Variants in SNX9 observed in about 807,000 individuals in gnomAD.
The protein encoded by SNX9 is sorting nexin 9, also known as sorting nexin-9.
Under a neutral mutation model 89.4 loss-of-function variants are expected in SNX9, and 44 were observed. That is an observed-to-expected ratio of 0.49 (90% CI 0.39 to 0.63). The LOEUF is 0.63. Ranked by LOEUF, SNX9 falls within the 30% of genes least tolerant of loss-of-function variation. The probability of loss-of-function intolerance (pLI) is 0.00; values close to 1 mark genes in which losing one functional copy is unlikely to be tolerated. For missense variants in SNX9, 578 were observed against 736.1 expected (o/e 0.79, Z 2.49); for synonymous variants, 236 against 247.8 (o/e 0.95, Z 0.45).
chr6:157,849,464 C>T (rs899316164), intron 1 of SNX9, among the ~76,000 whole-genome samples: 1 of 152,152 alleles, frequency 6.6e-6, no homozygotes, highest in African/African-American at 2.4e-5. Flanking sequence ...GAGTCAAGAG[C>T]GGCAATGCTT....
chr6:157,913,802 A>G (rs1055340183), intron 9 of SNX9, among the ~76,000 whole-genome samples: 1 of 152,220 alleles, frequency 6.6e-6, no homozygotes, highest in Non-Finnish European at 1.5e-5. Flanking sequence ...CACATTTGCA[A>G]TTCAATCATT....
intron 12 of SNX9, among the ~76,000 whole-genome samples, chr6:157,931,236 C>T (rs1056963474): frequency 6.6e-6 from 1 of 152,224 alleles, no homozygotes; most frequent in Non-Finnish European, 1.5e-5. Context: ...AGAGGCAAAA[C>T]TGAGGTACCA....
intron 1 of SNX9, among the ~76,000 whole-genome samples, chr6:157,838,268 C>T (rs1756937724): frequency 6.6e-6 from 1 of 152,034 alleles, no homozygotes; most frequent in South Asian, 2.1e-4. Context: ...CCACCTCAGC[C>T]TCCCAAAGTG....
intron 2 of SNX9, among the ~76,000 whole-genome samples, chr6:157,869,543 GT>G (rs1782345816): frequency 6.6e-6 from 1 of 152,122 alleles, no homozygotes; most frequent in Non-Finnish European, 1.5e-5. Context: ...TCTCCCTAGA[GT>G]TTTACTCTGT....
At chr6:157,927,343 G>A in intron 11 of SNX9, 129 bp downstream of exon 11, 1 of 628,374 alleles carries the variant, frequency 1.6e-6, no homozygotes, top group Admixed American at 2.8e-5. Flanking sequence ...AGTGGGATTT[G>A]TAGTCCAATG....
chr6:157,915,226 C>T (rs184407337), intron 9 of SNX9, among the ~76,000 whole-genome samples: 5 of 152,196 alleles, frequency 3.3e-5, no homozygotes, highest in East Asian at 1.9e-4. Flanking sequence ...AATCAAGTAG[C>T]GTGAATCCTC....
chr6:157,829,038 A>G (rs929882577), intron 1 of SNX9: 16 of 152,248 alleles, frequency 1.1e-4, no homozygotes, highest in African/African-American at 3.4e-4. Context: ...GTAGAAAACT[A>G]TTAATCCCCA....
intron 4 of SNX9, 24 bp downstream of exon 4, chr6:157,875,200 G>T: frequency 1.9e-6 from 3 of 1,594,148 alleles, no homozygotes; most frequent in Non-Finnish European, 2.6e-6. Flanking sequence ...CCTCCTTCTG[G>T]ATGTGGCTGG....
chr6:157,842,193 A>G (rs1438617456), intron 1 of SNX9, among the ~76,000 whole-genome samples: 1 of 152,224 alleles, frequency 6.6e-6, no homozygotes, highest in Non-Finnish European at 1.5e-5. Flanking sequence ...AGTTTGCTGT[A>G]TCTATTAAGT....
At chr6:157,927,246 C>A (rs1783713210) in intron 11 of SNX9, 32 bp downstream of exon 11, 1 of 1,462,884 alleles carries the variant, frequency 6.8e-7, no homozygotes, top group Non-Finnish European at 9.6e-7. Flanking sequence ...TCTTTCTTCT[C>A]AATCCGCACC....
rs974605500 is a variant in SNX9, at chr6:157,943,129, A to G, written c.*291A>G. On this transcript the variant is annotated 3_prime_UTR_variant, in exon 18 of 18. Coordinates refer to ENST00000392185, the MANE Select transcript of SNX9 (RefSeq NM_016224.5). ...AATGGAAAATGAGGGGTTTCTCCCC[A>G]CTGATATTTTACATAGAGTCATAAT... is the stretch of plus-strand genomic sequence containing the variant. 3.9e-5 allele frequency: 11 copies of G among 283,820 alleles called. No individual in the cohort carries two copies. Among genetic ancestry groups the G allele is most frequent in the Admixed American group, 3.1e-4 (6 of 19,338 alleles). 17.6% of individuals were successfully genotyped at this position (283,820 alleles called of 1,614,324 possible). A position where few individuals can be genotyped will look rare whatever the true frequency, so the allele number is the denominator to read the frequency against.
At chr6:157,856,220 G>GT (rs1782008737) in intron 1 of SNX9, among the ~76,000 whole-genome samples, 3 of 152,302 alleles carry the variant, frequency 2.0e-5, no homozygotes, top group Admixed American at 1.3e-4. Context: ...TTTCTTTGGT[G>GT]TTTTTTATGG....
chr6:157,847,955 T>C (rs1202331214), intron 1 of SNX9, among the ~76,000 whole-genome samples: 4 of 152,168 alleles, frequency 2.6e-5, no homozygotes, highest in Non-Finnish European at 5.9e-5. Context: ...CTGGGCCTCC[T>C]GCCACCTCCC....
At chr6:157,856,264 C>T (rs1445773190) in intron 1 of SNX9, among the ~76,000 whole-genome samples, 2 of 152,128 alleles carry the variant, frequency 1.3e-5, no homozygotes, top group African/African-American at 4.8e-5. Flanking sequence ...TGGAGCATGC[C>T]AAACACATTC....
At chr6:157,928,736 A>AG (rs1436555267) in intron 12 of SNX9, 34 bp downstream of exon 12, 8 of 1,492,836 alleles carry the variant, frequency 5.4e-6, no homozygotes, top group Non-Finnish European at 7.2e-6. Flanking sequence ...CTGGGCTCGT[A>AG]GGGGGTGATG....
intron 4 of SNX9, among the ~76,000 whole-genome samples, chr6:157,891,028 T>TCTC (rs200289226): frequency 1.0e-5 from 1 of 95,584 alleles, no homozygotes; most frequent in African/African-American, 4.6e-5. Flanking sequence ...TTTCTTTCTC[T>TCTC]TTTTTTTTTT....
intron 10 of SNX9, among the ~76,000 whole-genome samples, chr6:157,925,270 A>AGGGGAGAAGCTCTCATGACC (rs1783667986): frequency 2.6e-5 from 4 of 152,180 alleles, no homozygotes; most frequent in African/African-American, 9.7e-5. Context: ...CTCATTAGCA[A>AGGGGAGAAGCTCTCATGACC]TCAATAAATA....
intron 4 of SNX9, among the ~76,000 whole-genome samples, chr6:157,887,517 TTGTG>T (rs1211300478): frequency 6.6e-6 from 1 of 152,058 alleles, no homozygotes; most frequent in Non-Finnish European, 1.5e-5. Flanking sequence ...CCGCCGAGCT[TTGTG>T]TGGGTTTTCC....
rs1781281220 is a variant in SNX9, at chr6:157,823,593, C to CG, written c.12+149dup. 1 of 620,248 alleles carries CG rather than the reference C, an allele frequency of 1.6e-6. No individual in the cohort carries two copies. Among genetic ancestry groups the CG allele is most frequent in the Non-Finnish European group, 2.2e-6 (1 of 461,828 alleles). The allele number at this position is 620,248 out of a possible 1,614,324, so 38.4% of individuals were successfully genotyped here. A position where few individuals can be genotyped will look rare whatever the true frequency, so the allele number is the denominator to read the frequency against. Reference sequence around the variant, plus strand: ...TCGGTGGAGTCCCCGGGCGGGTCCGCGGCCCAGCCAGTCCCTTCTGGGCAT... The same window carrying CG: ...TCGGTGGAGTCCCCGGGCGGGTCCGCGGGCCCAGCCAGTCCCTTCTGGGCAT... On this transcript the variant is annotated intron_variant, in intron 1 of 17. Coordinates refer to ENST00000392185, the MANE Select transcript of SNX9 (RefSeq NM_016224.5). The surrounding 1 kb of genome is among the most constrained non-coding windows in gnomAD (Gnocchi z 4.6).
Sources: gnomAD v4.1 joint callset for allele counts (sites outside exome capture counted in the v4.1 genomes callset) on GRCh38, gnomAD v4.1.1 for gene constraint, Gnocchi (gnomAD v3.1) non-coding constraint, MANE v1.5 for transcripts, NCBI Gene and HGNC (gene_info 2026-07-23, HGNC 2026-07-21) for gene names.